DACH2: variants seen among roughly 807,000 people sequenced by gnomAD.
DACH2 encodes the protein dachshund homolog 2.
DACH2 carries 17 observed loss-of-function variants against 35.8 expected under a neutral mutation model. That is an observed-to-expected ratio of 0.48 (90% CI 0.33 to 0.71). The LOEUF (loss-of-function observed/expected upper bound fraction) is 0.71, where lower values mean the gene tolerates loss of function less well. DACH2 is among the 30% of genes least tolerant of loss of function. The pLI is 0.02. For synonymous variants in DACH2, 195 were observed against 177.3 expected (o/e 1.10, Z -0.79); for missense variants, 469 against 472.7 (o/e 0.99, Z 0.07).
At chrX:86,170,153 C>A (rs752115817) in intron 1 of DACH2, among the ~76,000 whole-genome samples, 6 of 111,347 alleles carry the variant, frequency 5.4e-5, no homozygotes, top group Non-Finnish European at 7.5e-5. Flanking sequence ...CAGGCACAGA[C>A]TCTTGTTCTT....
chrX:86,563,055 T>A (rs1340790123), intron 3 of DACH2, among the ~76,000 whole-genome samples: 1 of 110,894 alleles, frequency 9.0e-6, no homozygotes, highest in African/African-American at 3.3e-5. Context: ...AGACTTAGAT[T>A]GGTCTAGGTT....
chrX:86,790,594 T>A (rs955385773), intron 7 of DACH2, among the ~76,000 whole-genome samples: 1 of 111,878 alleles, frequency 8.9e-6, no homozygotes, highest in Non-Finnish European at 1.9e-5. Flanking sequence ...TTGCCCAGGC[T>A]GGAGTACAGT....
chrX:86,227,909 C>G (rs1021689752), intron 1 of DACH2, among the ~76,000 whole-genome samples: 2 of 110,959 alleles, frequency 1.8e-5, no homozygotes, highest in African/African-American at 6.5e-5. Flanking sequence ...TGTTTTTGAG[C>G]CAGTCAGTAA....
intron 2 of DACH2, among the ~76,000 whole-genome samples, chrX:86,439,406 A>G (rs1327483774): frequency 7.2e-5 from 8 of 111,692 alleles, no homozygotes; most frequent in Admixed American, 5.7e-4. Flanking sequence ...TTAGTTTAAG[A>G]TAGTCCCATT....
intron 4 of DACH2, among the ~76,000 whole-genome samples, chrX:86,660,138 C>T (rs2040590179): frequency 9.0e-6 from 1 of 111,305 alleles, no homozygotes; most frequent in African/African-American, 3.3e-5. Context: ...ACTCTTCGTG[C>T]CCCTGCTGGG....
chrX:86,437,200 T>C lies in DACH2; in HGVS notation c.527+60338T>C, dbSNP rs902991675. 2.7e-5 allele frequency among the ~76,000 whole-genome samples: 3 copies of C among 111,390 alleles called. No individual in the cohort carries two copies. In the Admixed American group the frequency reaches 2.9e-4, roughly 11 times the overall value. ...ATTTTACATATTTATGGGGTACATA[T>C]TATATTTTGTTACATGCATAGAAGG... On this transcript the variant is annotated intron_variant, in intron 2 of 11. Transcript: ENST00000373125.
chrX:86,619,341 C>A (rs1400552679), intron 3 of DACH2, among the ~76,000 whole-genome samples: 1 of 111,557 alleles, frequency 9.0e-6, no homozygotes, highest in Non-Finnish European at 1.9e-5. Flanking sequence ...TTATTTTCTT[C>A]TTTCTTGCAA....
intron 6 of DACH2, among the ~76,000 whole-genome samples, chrX:86,720,589 G>C (rs1051256994): frequency 1.5e-4 from 17 of 112,413 alleles, no homozygotes; most frequent in Admixed American, 1.3e-3. Context: ...CTCTGCCCCT[G>C]TGTCTTCACA....
rs565824369 is a variant in DACH2, at chrX:86,557,349, A to G, written c.640+42958A>G. On this transcript the variant is annotated intron_variant, in intron 3 of 11. Transcript: ENST00000373125. ...CATCACAACATGTGGGTGGGCTTTT[A>G]AAAAATCTTTTGAAGTCAGGTAGTG... Among the ~76,000 whole-genome samples, 25 of 111,247 alleles carry G rather than the reference A, an allele frequency of 2.2e-4. No individual in the cohort carries two copies. The South Asian group carries it at 8.4e-3, about 37-fold the overall frequency.
chrX:86,274,405 A>G (rs1310899576), intron 1 of DACH2, among the ~76,000 whole-genome samples: 1 of 109,351 alleles, frequency 9.1e-6, no homozygotes, highest in Non-Finnish European at 1.9e-5. Flanking sequence ...TTTAAGTTGT[A>G]ACATTGTCAT....
At chrX:86,381,678 T>G (rs1602459263) in intron 2 of DACH2, among the ~76,000 whole-genome samples, 1 of 111,165 alleles carries the variant, frequency 9.0e-6, no homozygotes, top group Middle Eastern at 4.6e-3. Context: ...TCTTTCCTTT[T>G]CCTTGAAGCT....
In DACH2 at chrX:86,466,138, A is replaced by G. The variant is rs184469231; in HGVS notation, c.528-48141A>G. Among the ~76,000 whole-genome samples the G allele has an allele frequency of 8.9e-5, 10 of 111,829 alleles. No individual in the cohort carries two copies. The East Asian group carries it at 2.5e-3, about 28-fold the overall frequency. On this transcript the variant is annotated intron_variant, in intron 2 of 11. Coordinates refer to ENST00000373125, the MANE Select transcript of DACH2 (RefSeq NM_053281.3). ...AGAATCATGGTGGGAGGTAAAAGGT[A>G]CTTCTTACATGGTGGCAGCAAGAGA...
chrX:86,435,165 G>T (rs2037047851), intron 2 of DACH2, among the ~76,000 whole-genome samples: 1 of 111,499 alleles, frequency 9.0e-6, no homozygotes, highest in Admixed American at 9.6e-5. Flanking sequence ...AAGAAAATTT[G>T]ATTTTTCAGT....
intron 5 of DACH2, among the ~76,000 whole-genome samples, chrX:86,699,423 C>A (rs973192062): frequency 3.6e-5 from 4 of 111,372 alleles, no homozygotes; most frequent in Admixed American, 9.6e-5. Flanking sequence ...TGGTGGAAGG[C>A]GAAAGGCTCT....
At chrX:86,376,515 G>A (rs1457564460) in intron 1 of DACH2, among the ~76,000 whole-genome samples, 1 of 110,276 alleles carries the variant, frequency 9.1e-6, no homozygotes, top group East Asian at 2.9e-4. Flanking sequence ...TTATTTCCTT[G>A]TCTTCATATA....
intron 2 of DACH2, among the ~76,000 whole-genome samples, chrX:86,501,151 A>C (rs1338975985): frequency 8.9e-6 from 1 of 112,516 alleles, no homozygotes; most frequent in African/African-American, 3.2e-5. Flanking sequence ...CTTTGCTGCC[A>C]CTTTTATTTT....
rs760284431 is a variant in DACH2, at chrX:86,598,557, G to A, written c.641-52479G>A. Among the ~76,000 whole-genome samples the A allele has an allele frequency of 1.5e-3, 165 of 111,236 alleles. 1 individual carries two copies. Among genetic ancestry groups the A allele is most frequent in the African/African-American group, 5.3e-3 (161 of 30,595 alleles). On this transcript the variant is annotated intron_variant, in intron 3 of 11. Coordinates refer to ENST00000373125, the MANE Select transcript of DACH2 (RefSeq NM_053281.3). ...GTAGTTTTATAGGGTAGTCTTTGCG[G>A]TTTTTTTCTACCACAGGAGAGAAAT...
intron 3 of DACH2, among the ~76,000 whole-genome samples, chrX:86,541,024 A>G (rs368019413): frequency 1.7e-4 from 19 of 111,746 alleles, no homozygotes; most frequent in East Asian, 1.4e-3. Context: ...TACCTGTGAA[A>G]AACCTACCTG....
chrX:86,800,769 A>G (rs1157257388), intron 7 of DACH2, among the ~76,000 whole-genome samples: 2 of 111,266 alleles, frequency 1.8e-5, no homozygotes, highest in Non-Finnish European at 1.9e-5. Flanking sequence ...TTCTGGGTTC[A>G]AGCGATTCTC....
Sources: allele counts gnomAD v4.1 joint callset (sites outside exome capture counted in the v4.1 genomes callset), GRCh38; gene constraint gnomAD v4.1.1; transcripts MANE v1.5; gene names NCBI Gene and HGNC (gene_info 2026-07-23, HGNC 2026-07-21).